The following RUNX1T1 variants were observed in gnomAD, a reference collection of about 807,000 sequenced individuals.
RUNX1T1 encodes the protein protein CBFA2T1.
In RUNX1T1, 4 loss-of-function variants were observed where a neutral mutation model predicts 62.8. The observed-to-expected ratio is 0.06, with a 90% CI of 0.03 to 0.15. The LOEUF is 0.15. RUNX1T1 is among the 10% of genes least tolerant of loss of function. The probability of loss-of-function intolerance (pLI) is 1.00; values close to 1 mark genes in which losing one functional copy is unlikely to be tolerated. For synonymous variants in RUNX1T1, 291 were observed against 286.0 expected (o/e 1.02, Z -0.18); for missense variants, 508 against 754.3 (o/e 0.67, Z 3.82).
intron 5 of RUNX1T1, among the ~76,000 whole-genome samples, chr8:91,997,930 CTTACT>C (rs954057126): frequency 2.6e-5 from 4 of 152,134 alleles, no homozygotes; most frequent in Non-Finnish European, 5.9e-5. Flanking sequence ...AGTCTGGAGA[CTTACT>C]TTATTTTATT....
rs765331690 is a variant in RUNX1T1 at position 92,005,333 on chromosome 8, A to C, written c.478-36T>G. 8 of 1,592,226 alleles carry C rather than the reference A, an allele frequency of 5.0e-6. No individual in the cohort carries two copies. In the South Asian group the frequency reaches 7.9e-5, roughly 16 times the overall value. ...ATGACAGGAATGAGAGGACGGACTG[A>C]AAGTTTTCTTCTGTCCTGTTGACTT... On this transcript the variant is annotated intron_variant, in intron 4 of 10. Transcript: ENST00000396218.
intron 1 of RUNX1T1, among the ~76,000 whole-genome samples, chr8:92,049,794 T>C (rs758274851): frequency 5.3e-5 from 8 of 152,182 alleles, no homozygotes; most frequent in Non-Finnish European, 1.0e-4. Context: ...ACAATCCTTC[T>C]ACAGAAAGTT....
chr8:92,004,135 A>G (rs1454196292), intron 5 of RUNX1T1, among the ~76,000 whole-genome samples: 1 of 152,228 alleles, frequency 6.6e-6, no homozygotes, highest in Non-Finnish European at 1.5e-5. Context: ...GAGCAGCTCC[A>G]AAGATCTTAA....
chr8:91,958,353 C>A (rs1249414796), downstream of RUNX1T1: 1 of 195,520 alleles, frequency 5.1e-6, no homozygotes, highest in Non-Finnish European at 1.1e-5. Context: ...GTTTAACCTG[C>A]TGATCATTTG....
chr8:92,062,375 C>T (rs1386083810), intron 1 of RUNX1T1, among the ~76,000 whole-genome samples: 1 of 152,216 alleles, frequency 6.6e-6, no homozygotes, highest in Admixed American at 6.5e-5. Flanking sequence ...GTATCAAGAT[C>T]TTTGTGGTTC....
intron 1 of RUNX1T1, among the ~76,000 whole-genome samples, chr8:92,083,186 G>A (rs557470988): frequency 2.0e-3 from 308 of 152,208 alleles, no homozygotes; most frequent in Non-Finnish European, 3.4e-3. Flanking sequence ...TGACCACTTC[G>A]CAGTTTGCCT....
At chr8:92,064,460 TCAAA>T (rs1832565826), upstream of RUNX1T1, among the ~76,000 whole-genome samples, 1 of 152,184 alleles carries the variant, frequency 6.6e-6, no homozygotes, top group Non-Finnish European at 1.5e-5. Flanking sequence ...AGCACCAAGC[TCAAA>T]CATTCTTATG....
chr8:92,044,883 A>G (rs1468111664), intron 1 of RUNX1T1, among the ~76,000 whole-genome samples: 2 of 152,176 alleles, frequency 1.3e-5, no homozygotes, highest in East Asian at 1.9e-4. Flanking sequence ...TCAAGCAAGG[A>G]TACTCAGGAG....
At chr8:91,990,264 C>T (rs1431816945) in intron 6 of RUNX1T1, among the ~76,000 whole-genome samples, 1 of 152,200 alleles carries the variant, frequency 6.6e-6, no homozygotes, top group Non-Finnish European at 1.5e-5. Flanking sequence ...ATTCTGTATC[C>T]TCAGCTCCAC....
intron 1 of RUNX1T1, among the ~76,000 whole-genome samples, chr8:92,024,017 A>C (rs1409551429): frequency 6.6e-6 from 1 of 152,214 alleles, no homozygotes; most frequent in African/African-American, 2.4e-5. Flanking sequence ...AGCAAAGAGA[A>C]GTAATGAGAG....
chr8:92,085,774 A>G (rs1179683505), intron 1 of RUNX1T1, among the ~76,000 whole-genome samples: 1 of 152,164 alleles, frequency 6.6e-6, no homozygotes, highest in Non-Finnish European at 1.5e-5. Flanking sequence ...ACCCAGGTAG[A>G]TTTTTTTGTT....
chr8:92,076,064 C>T (rs1487043666), exon 2 of RUNX1T1: 14 of 1,608,528 alleles, frequency 8.7e-6, no homozygotes, highest in Middle Eastern at 1.7e-4. Context: ...CTCCACCAAT[C>T]GCTCTGCTAA....
chr8:92,018,707 C>T (rs1018551666), intron 1 of RUNX1T1, among the ~76,000 whole-genome samples: 2 of 152,120 alleles, frequency 1.3e-5, no homozygotes, highest in African/African-American at 4.8e-5. Context: ...CACTTTTGTT[C>T]AAAGCAATTG....
intron 10 of RUNX1T1, among the ~76,000 whole-genome samples, chr8:91,968,289 G>A (rs930073776): frequency 3.3e-5 from 5 of 152,106 alleles, no homozygotes; most frequent in African/African-American, 1.2e-4. Context: ...GGAAGGGGGC[G>A]CTCGTAATAA....
At chr8:92,076,353 A>G (rs904374439) in intron 1 of RUNX1T1, among the ~76,000 whole-genome samples, 2 of 152,084 alleles carry the variant, frequency 1.3e-5, no homozygotes, top group African/African-American at 2.4e-5. Context: ...TAATTTTCCA[A>G]TCATCTGACT....
chr8:92,030,151 C>T (rs1825958496), intron 1 of RUNX1T1, among the ~76,000 whole-genome samples: 1 of 152,110 alleles, frequency 6.6e-6, no homozygotes, highest in African/African-American at 2.4e-5. Flanking sequence ...TCCATCTCAG[C>T]TCAAATTCAC....
exon 2 of RUNX1T1, chr8:92,017,321 T>C (rs1302647489): frequency 3.1e-6 from 5 of 1,613,984 alleles, no homozygotes; most frequent in Non-Finnish European, 1.7e-6. Flanking sequence ...CGTCTTCACA[T>C]CCACAGGTGA....
intron 1 of RUNX1T1, among the ~76,000 whole-genome samples, chr8:92,020,307 A>G (rs1372595266): frequency 1.3e-5 from 2 of 152,338 alleles, no homozygotes; most frequent in East Asian, 3.9e-4. Context: ...TGAAATATAT[A>G]TTCTTGAAAC....
chr8:91,959,403 GTC>G (rs1296274795), exon 11 of RUNX1T1: 3 of 217,556 alleles, frequency 1.4e-5, no homozygotes, highest in African/African-American at 6.9e-5. Flanking sequence ...TGCAGGCTGA[GTC>G]TCTTACTTGT....
Sources: allele counts gnomAD v4.1 joint callset (sites outside exome capture counted in the v4.1 genomes callset), GRCh38; gene constraint gnomAD v4.1.1; transcripts MANE v1.5; gene names NCBI Gene and HGNC (gene_info 2026-07-23, HGNC 2026-07-21).